HEMK2: variants seen among roughly 807,000 people sequenced by gnomAD.
HEMK2 encodes HemK methyltransferase 2, ETF1 glutamine and histone H4 lysine, also known as methyltransferase HEMK2.
At chr21:28,587,078 G>T in the HEMK2 span, among the ~76,000 whole-genome samples, 1 of 151,718 alleles carries the variant, frequency 6.6e-6, no homozygotes, top group Non-Finnish European at 1.5e-5. Flanking sequence ...AGACAGTTTA[G>T]CCATAAAAGA....
the HEMK2 span, among the ~76,000 whole-genome samples, chr21:28,807,618 T>C: frequency 1.9e-4 from 29 of 152,312 alleles, no homozygotes; most frequent in African/African-American, 6.5e-4. Flanking sequence ...GATAAGGGAA[T>C]GTGGCCTTGG....
the HEMK2 span, among the ~76,000 whole-genome samples, chr21:28,862,555 C>T: frequency 6.8e-6 from 1 of 146,372 alleles, no homozygotes; most frequent in Non-Finnish European, 1.5e-5. Context: ...AGGAGAATGG[C>T]GTGAACCCGG....
chr21:28,708,731 G>A, the HEMK2 span, among the ~76,000 whole-genome samples: 2 of 152,234 alleles, frequency 1.3e-5, no homozygotes, highest in African/African-American at 4.8e-5. Flanking sequence ...TATTCAAAAC[G>A]GATTCATACC....
the HEMK2 span, among the ~76,000 whole-genome samples, chr21:28,593,418 C>T: frequency 6.6e-6 from 1 of 152,164 alleles, no homozygotes; most frequent in African/African-American, 2.4e-5. Context: ...AGTATGTACA[C>T]CTATATTTTC....
the HEMK2 span, among the ~76,000 whole-genome samples, chr21:28,585,972 C>T: frequency 6.6e-6 from 1 of 152,078 alleles, no homozygotes; most frequent in Non-Finnish European, 1.5e-5. Context: ...AGTAGATATT[C>T]CCTAAGATTC....
At chr21:28,754,970 AC>A in the HEMK2 span, among the ~76,000 whole-genome samples, 97 of 152,324 alleles carry the variant, frequency 6.4e-4, no homozygotes, top group African/African-American at 2.2e-3. Context: ...TCTGCTAAGA[AC>A]TGGCAAAGGC....
the HEMK2 span, among the ~76,000 whole-genome samples, chr21:28,800,650 G>A: frequency 4.6e-5 from 7 of 152,116 alleles, no homozygotes; most frequent in Non-Finnish European, 8.8e-5. Context: ...ATATATATGT[G>A]TATATGTAGT....
chr21:28,605,829 T>A, the HEMK2 span, among the ~76,000 whole-genome samples: 1 of 152,306 alleles, frequency 6.6e-6, no homozygotes, highest in East Asian at 1.9e-4. Flanking sequence ...GTAAGTGCCA[T>A]AACTAGGATG....
At chr21:28,665,330 A>ATTTT in the HEMK2 span, among the ~76,000 whole-genome samples, 1 of 16,828 alleles carries the variant, frequency 5.9e-5, no homozygotes, top group African/African-American at 3.5e-4. Flanking sequence ...ACTTATTTAT[A>ATTTT]TTTCTTTTTT....
the HEMK2 span, among the ~76,000 whole-genome samples, chr21:28,735,291 T>C: frequency 2.0e-5 from 3 of 152,136 alleles, no homozygotes; most frequent in Non-Finnish European, 2.9e-5. Flanking sequence ...AAGGCTGAAA[T>C]TGTGGTGTCA....
At chr21:28,840,812 T>C in the HEMK2 span, among the ~76,000 whole-genome samples, 6 of 150,724 alleles carry the variant, frequency 4.0e-5, no homozygotes, top group South Asian at 2.1e-4. Flanking sequence ...GAACTAAAAG[T>C]AGAAATACCA....
chr21:28,593,490 G>C, the HEMK2 span, among the ~76,000 whole-genome samples: 5 of 152,112 alleles, frequency 3.3e-5, no homozygotes, highest in African/African-American at 1.2e-4. Context: ...CCAGATCCCA[G>C]GTCTTGGTTT....
At chr21:28,613,153 T>C in the HEMK2 span, among the ~76,000 whole-genome samples, 1 of 151,942 alleles carries the variant, frequency 6.6e-6, no homozygotes, top group South Asian at 2.1e-4. Context: ...CCTAAATATA[T>C]ATATATATTA....
the HEMK2 span, among the ~76,000 whole-genome samples, chr21:28,635,695 T>C: frequency 6.6e-6 from 1 of 152,114 alleles, no homozygotes; most frequent in African/African-American, 2.4e-5. Context: ...CCTAGCCCTA[T>C]TTTAAATATG....
chr21:28,746,511 G>A, the HEMK2 span, among the ~76,000 whole-genome samples: 79,301 of 151,982 alleles, frequency 0.52, 22,725 homozygotes, highest in East Asian at 0.78. Flanking sequence ...GATGAGCAAC[G>A]GAAAATAAAT....
the HEMK2 span, among the ~76,000 whole-genome samples, chr21:28,715,074 C>T: frequency 2.0e-5 from 3 of 152,136 alleles, no homozygotes. Context: ...AATGTCTTTA[C>T]TCATATTAAT....
At chr21:28,848,438 C>T in the HEMK2 span, among the ~76,000 whole-genome samples, 1 of 151,800 alleles carries the variant, frequency 6.6e-6, no homozygotes, top group Non-Finnish European at 1.5e-5. Flanking sequence ...AAGTTTATAT[C>T]GGTTTTTTAA....
chr21:28,770,648 G>C, the HEMK2 span, among the ~76,000 whole-genome samples: 50 of 151,410 alleles, frequency 3.3e-4, no homozygotes, highest in African/African-American at 1.1e-3. Context: ...CTCAAGAGTG[G>C]GCTTGTTATA....
At chr21:28,652,498 A>G in the HEMK2 span, among the ~76,000 whole-genome samples, 2 of 149,964 alleles carry the variant, frequency 1.3e-5, no homozygotes, top group African/African-American at 4.9e-5. Context: ...CCTGCTGGAC[A>G]TGAACAAGGA....
Sources: allele counts gnomAD v4.1 joint callset (sites outside exome capture counted in the v4.1 genomes callset), GRCh38; gene constraint gnomAD v4.1.1; transcripts MANE v1.5; gene names NCBI Gene and HGNC (gene_info 2026-07-23, HGNC 2026-07-21).